Variants in CWC27 observed in about 807,000 individuals in gnomAD.
CWC27 encodes the protein spliceosome-associated protein CWC27 homolog.
In CWC27, 47 loss-of-function variants were observed where a neutral mutation model predicts 63.6. The observed-to-expected ratio is 0.74, with a 90% CI of 0.58 to 0.94. The LOEUF (loss-of-function observed/expected upper bound fraction) is 0.94, where lower values mean the gene tolerates loss of function less well. Among genes scored for constraint, CWC27 ranks in the 40% least tolerant of loss-of-function variants. The probability of loss-of-function intolerance (pLI) is 0.00; values close to 1 mark genes in which losing one functional copy is unlikely to be tolerated. For synonymous variants in CWC27, 175 were observed against 179.8 expected, an observed-to-expected ratio of 0.97 and a Z score of 0.22; for missense variants, 495 against 554.3, an observed-to-expected ratio of 0.89 and a Z score of 1.07.
chr5:64,956,619 G>A (rs1160891719), intron 11 of CWC27, among the ~76,000 whole-genome samples: 1 of 152,044 alleles, frequency 6.6e-6, no homozygotes, highest in Admixed American at 6.6e-5. Context: ...CAGTAATAGT[G>A]TATGTCTTAC....
intron 11 of CWC27, among the ~76,000 whole-genome samples, chr5:64,944,910 A>G (rs933068523): frequency 5.9e-5 from 9 of 152,028 alleles, no homozygotes; most frequent in African/African-American, 1.9e-4. Flanking sequence ...TAAAGCCTCT[A>G]TGTTTGTCTA....
intron 11 of CWC27, among the ~76,000 whole-genome samples, chr5:64,946,853 C>T (rs1748600540): frequency 6.6e-6 from 1 of 152,014 alleles, no homozygotes; most frequent in African/African-American, 2.4e-5. Context: ...GAGGACTTAA[C>T]ATTTTTGTCA....
intron 10 of CWC27, among the ~76,000 whole-genome samples, chr5:64,847,392 A>C (rs1746016263): frequency 6.6e-6 from 1 of 152,236 alleles, no homozygotes; most frequent in Non-Finnish European, 1.5e-5. Flanking sequence ...TATAAAACAA[A>C]GATAAAAAGA....
Position 64,841,806 on chromosome 5 carries a change from G to T in CWC27, c.938+37420G>T, listed in dbSNP as rs983447839. ...TTCTCCTGCCTCAGCCTCCTGAGTA[G>T]CTGGGATTACAGACCTGTGCCACCA... On this transcript the variant is annotated intron_variant, in intron 10 of 13. Transcript: ENST00000381070. Among the ~76,000 whole-genome samples the T allele has an allele frequency of 3.3e-5, 5 of 152,260 alleles. No homozygotes were observed. In the East Asian group the frequency reaches 9.7e-4, roughly 29 times the overall value.
At chr5:64,852,259 T>C (rs1746149529) in intron 10 of CWC27, among the ~76,000 whole-genome samples, 1 of 152,168 alleles carries the variant, frequency 6.6e-6, no homozygotes, top group Admixed American at 6.5e-5. Context: ...ACTAAAAATG[T>C]TTTAATAACT....
chr5:65,010,246 G>A (rs1052188071), intron 13 of CWC27, among the ~76,000 whole-genome samples: 11 of 152,148 alleles, frequency 7.2e-5, no homozygotes, highest in East Asian at 1.9e-4. Context: ...GCGGAAGGGC[G>A]TCCCAGAGAA....
chr5:64,867,596 G>T (rs916448392), intron 10 of CWC27, among the ~76,000 whole-genome samples: 1 of 152,082 alleles, frequency 6.6e-6, no homozygotes, highest in African/African-American at 2.4e-5. Context: ...AGAAAGCCTT[G>T]TTAGGCATTA....
intron 10 of CWC27, among the ~76,000 whole-genome samples, chr5:64,853,674 G>C (rs1746189375): frequency 1.3e-5 from 2 of 152,106 alleles, no homozygotes; most frequent in Admixed American, 1.3e-4. Context: ...AAGGTGATGG[G>C]GAGCCAGCAT....
At chr5:65,013,852 G>A (rs920540353) in intron 13 of CWC27, among the ~76,000 whole-genome samples, 3 of 152,138 alleles carry the variant, frequency 2.0e-5, no homozygotes, top group Non-Finnish European at 4.4e-5. Flanking sequence ...TATTATATAA[G>A]TAATTTAAAT....
chr5:64,886,155 G>A (rs1206374933), intron 11 of CWC27, among the ~76,000 whole-genome samples: 2 of 151,782 alleles, frequency 1.3e-5, no homozygotes, highest in African/African-American at 4.8e-5. Flanking sequence ...GTTTATACAG[G>A]TTAACTAGCT....
chr5:64,907,647 C>A (rs1259796948), intron 11 of CWC27, among the ~76,000 whole-genome samples: 1 of 152,116 alleles, frequency 6.6e-6, no homozygotes, highest in Non-Finnish European at 1.5e-5. Context: ...TAATTGAATA[C>A]CCTTTATTTC....
At chr5:64,814,047 C>T (rs1392469331) in intron 10 of CWC27, among the ~76,000 whole-genome samples, 1 of 151,430 alleles carries the variant, frequency 6.6e-6, no homozygotes, top group African/African-American at 2.4e-5. Flanking sequence ...TCTTGGCAAA[C>T]TTTCTTAAAA....
chr5:64,890,549 A>AT (rs547460761), intron 11 of CWC27, among the ~76,000 whole-genome samples: 170 of 149,460 alleles, frequency 1.1e-3, no homozygotes, highest in South Asian at 0.011. Context: ...CTGTTGAGTT[A>AT]TTTTTTTTTT....
chr5:64,919,171 C>A (rs749745283), intron 11 of CWC27, among the ~76,000 whole-genome samples: 1 of 152,150 alleles, frequency 6.6e-6, no homozygotes, highest in Non-Finnish European at 1.5e-5. Flanking sequence ...TGTGTACACA[C>A]GTATATGCTG....
chr5:64,821,238 CCA>C (rs1013237504), intron 10 of CWC27, among the ~76,000 whole-genome samples: 2 of 152,076 alleles, frequency 1.3e-5, no homozygotes, highest in Non-Finnish European at 2.9e-5. Context: ...GCACGTGCCA[CCA>C]CACCCAGCTA....
chr5:64,890,295 T>C (rs1747199051), intron 11 of CWC27, among the ~76,000 whole-genome samples: 1 of 152,204 alleles, frequency 6.6e-6, no homozygotes, highest in Admixed American at 6.5e-5. Flanking sequence ...TTCTTCAGAC[T>C]ATCTTTTTAA....
At chr5:64,919,031 T>A (rs1192008799) in intron 11 of CWC27, among the ~76,000 whole-genome samples, 1 of 152,242 alleles carries the variant, frequency 6.6e-6, no homozygotes, top group Non-Finnish European at 1.5e-5. Flanking sequence ...TAATTTTAAG[T>A]TCCATGGAGA....
At chr5:65,006,766 C>T (rs1447611645) in intron 13 of CWC27, among the ~76,000 whole-genome samples, 4 of 151,802 alleles carry the variant, frequency 2.6e-5, no homozygotes, top group African/African-American at 9.7e-5. Context: ...CGCATGGTGA[C>T]TTCCTTTCAA....
intron 1 of CWC27, among the ~76,000 whole-genome samples, chr5:64,769,775 G>T (rs1033215368): frequency 6.6e-6 from 1 of 152,192 alleles, no homozygotes; most frequent in Non-Finnish European, 1.5e-5. Context: ...TCATGGAAAA[G>T]ATATCTTTTG....
Sources: allele counts gnomAD v4.1 joint callset (sites outside exome capture counted in the v4.1 genomes callset), GRCh38; gene constraint gnomAD v4.1.1; transcripts MANE v1.5; gene names NCBI Gene and HGNC (gene_info 2026-07-23, HGNC 2026-07-21).